SGIP1: variants seen among roughly 807,000 people sequenced by gnomAD.
SGIP1 encodes the protein SH3GL interacting endocytic adaptor 1.
SGIP1 carries 38 observed loss-of-function variants against 107.5 expected under a neutral mutation model. The observed-to-expected ratio is 0.35, with a 90% CI of 0.27 to 0.46. The LOEUF is 0.46. SGIP1 is among the 20% of genes least tolerant of loss of function. The pLI, the probability that SGIP1 is intolerant of heterozygous loss-of-function variation, is 1.00. For synonymous variants in SGIP1, 365 were observed against 366.1 expected, an observed-to-expected ratio of 1.00 and a Z score of 0.03; for missense variants, 929 against 1,019.5, an observed-to-expected ratio of 0.91 and a Z score of 1.21.
intron 1 of SGIP1, among the ~76,000 whole-genome samples, chr1:66,565,518 G>A (rs1055148090): frequency 3.9e-5 from 6 of 151,914 alleles, no homozygotes; most frequent in Non-Finnish European, 8.8e-5. Flanking sequence ...ATTAATTGGG[G>A]ACAATAGAGC....
intron 18 of SGIP1, among the ~76,000 whole-genome samples, chr1:66,714,960 G>C (rs2093146567): frequency 6.6e-6 from 1 of 152,248 alleles, no homozygotes; most frequent in East Asian, 1.9e-4. Context: ...TCTCTGAGGT[G>C]CTATGGGGGA....
intron 5 of SGIP1, among the ~76,000 whole-genome samples, chr1:66,641,114 T>A (rs1387200238): frequency 6.6e-6 from 1 of 151,814 alleles, no homozygotes; most frequent in African/African-American, 2.4e-5. Context: ...ATGGAAGAAG[T>A]AGGTCAAAGA....
At chr1:66,723,840 A>G (rs2093644737) in intron 19 of SGIP1, among the ~76,000 whole-genome samples, 1 of 152,228 alleles carries the variant, frequency 6.6e-6, no homozygotes, top group Non-Finnish European at 1.5e-5. Flanking sequence ...TCACAATAGT[A>G]GATAAGATGT....
rs115113589 is a variant in SGIP1, at chr1:66,731,857, G to T, written c.1899-1891G>T. Among the ~76,000 whole-genome samples, 1,198 of 152,212 alleles carry T rather than the reference G, an allele frequency of 7.9e-3. 19 individuals carry two copies. The highest frequency in any genetic ancestry group is 0.027 in the African/African-American group (1,139 of 41,528). On this transcript the variant is annotated intron_variant, in intron 20 of 24. Transcript: ENST00000371037. ...TCAGTTTGCAATCCCTATGACAGGG[G>T]CCAAATTGAAATTTACATCTACTTT...
At chr1:66,724,992 C>A (rs570796114) in intron 19 of SGIP1, among the ~76,000 whole-genome samples, 1 of 152,290 alleles carries the variant, frequency 6.6e-6, no homozygotes, top group East Asian at 1.9e-4. Flanking sequence ...AGAGTAGACT[C>A]AGCTTGAGGG....
intron 19 of SGIP1, among the ~76,000 whole-genome samples, chr1:66,725,695 C>T (rs1377458044): frequency 6.6e-6 from 1 of 152,208 alleles, no homozygotes; most frequent in East Asian, 1.9e-4. Context: ...GGACTTCAGG[C>T]GAAGGCAGTG....
intron 17 of SGIP1, among the ~76,000 whole-genome samples, chr1:66,690,858 C>T (rs1353429983): frequency 2.0e-5 from 3 of 151,934 alleles, no homozygotes; most frequent in Non-Finnish European, 4.4e-5. Flanking sequence ...GGTCAGTTTT[C>T]CCAGAGAAAT....
intron 9 of SGIP1, among the ~76,000 whole-genome samples, chr1:66,667,850 A>G (rs2082916344): frequency 6.6e-6 from 1 of 152,130 alleles, no homozygotes; most frequent in Admixed American, 6.6e-5. Context: ...TAAAAGGCCT[A>G]GAGATTCACC....
intron 21 of SGIP1, among the ~76,000 whole-genome samples, chr1:66,734,172 T>C (rs189855233): frequency 3.7e-4 from 57 of 152,262 alleles, no homozygotes; most frequent in Admixed American, 6.5e-5. Flanking sequence ...GATTATAAGT[T>C]TATATTGATA....
At position 66,592,897 on chromosome 1, in the gene SGIP1, CTTTTTTTTTTTTTTTT is replaced by C. The variant is rs35762612; in HGVS notation, c.11-32935_11-32920del. ...CTTTCCTTCTTTCTTTCTTCTTCTTCTTTTTTTTTTTTTTTTTTTTTTTTTTTTTTGAGAAAGGGTT... is the reference window on the plus strand; with the variant it reads ...CTTTCCTTCTTTCTTTCTTCTTCTTCTTTTTTTTTTTTTTGAGAAAGGGTT... On this transcript the variant is annotated intron_variant, in intron 1 of 24. Transcript: ENST00000371037. Among the ~76,000 whole-genome samples the C allele has an allele frequency of 2.0e-4, 11 of 56,352 alleles. No homozygotes were observed. In the East Asian group the frequency reaches 4.1e-3, roughly 21 times the overall value. The allele number at this position is 56,352 out of a possible 152,430, so 37.0% of individuals were successfully genotyped here.
chr1:66,683,105 C>T (rs1228655176), intron 15 of SGIP1, among the ~76,000 whole-genome samples: 1 of 152,064 alleles, frequency 6.6e-6, no homozygotes, highest in Non-Finnish European at 1.5e-5. Context: ...TTTTCTTTTG[C>T]TTATTTGAAG....
chr1:66,575,713 C>T (rs1479819590), intron 1 of SGIP1, among the ~76,000 whole-genome samples: 1 of 152,144 alleles, frequency 6.6e-6, no homozygotes, highest in African/African-American at 2.4e-5. Flanking sequence ...CTGGTGCATG[C>T]ATAGTTTGTG....
intron 1 of SGIP1, among the ~76,000 whole-genome samples, chr1:66,557,868 T>G (rs2058407074): frequency 6.6e-6 from 1 of 152,156 alleles, no homozygotes; most frequent in Admixed American, 6.6e-5. Context: ...CTTTGTGGAT[T>G]TGTGATTCAG....
chr1:66,634,237 C>T, intron 3 of SGIP1: 1 of 1,144,340 alleles, frequency 8.7e-7, no homozygotes, highest in Non-Finnish European at 1.3e-6. Flanking sequence ...CCCCTCTGAC[C>T]TTTGCAAAGC....
rs2094509815 is a variant in SGIP1, at chr1:66,743,195, C to T, written c.*100C>T. 1 of 1,208,862 alleles carries T rather than the reference C, an allele frequency of 8.3e-7. No homozygotes were observed. The highest frequency in any genetic ancestry group is 1.3e-5 in the South Asian group (1 of 77,684). 74.9% of individuals were successfully genotyped at this position (1,208,862 alleles called of 1,614,324 possible). On this transcript the variant is annotated 3_prime_UTR_variant, in exon 25 of 25. Transcript: ENST00000371037. ...TTTGATGAAAACAAACCAATATCTG[C>T]ACTTGGGATATATCAGGTGGAAAGT...
chr1:66,718,086 A>G (rs1187866864), intron 18 of SGIP1, among the ~76,000 whole-genome samples: 1 of 152,156 alleles, frequency 6.6e-6, no homozygotes, highest in African/African-American at 2.4e-5. Context: ...ACTAGCATGA[A>G]CTAGAGTGAT....
chr1:66,693,189 A>T (rs2090231785), intron 17 of SGIP1, among the ~76,000 whole-genome samples: 1 of 151,958 alleles, frequency 6.6e-6, no homozygotes. Flanking sequence ...TGGGAGGATT[A>T]CATGACCCCA....
chr1:66,654,866 A>G (rs2079437373), intron 7 of SGIP1, among the ~76,000 whole-genome samples: 1 of 152,208 alleles, frequency 6.6e-6, no homozygotes, highest in African/African-American at 2.4e-5. Flanking sequence ...TGCCTGTCCC[A>G]ATGTGGGCAA....
chr1:66,599,634 G>A (rs555408590), intron 1 of SGIP1, among the ~76,000 whole-genome samples: 14 of 152,300 alleles, frequency 9.2e-5, no homozygotes, highest in Admixed American at 5.9e-4. Context: ...AACTACGGGT[G>A]TATTTATGCT....
Sources: gnomAD v4.1 joint callset for allele counts (sites outside exome capture counted in the v4.1 genomes callset) on GRCh38, gnomAD v4.1.1 for gene constraint, MANE v1.5 for transcripts, NCBI Gene and HGNC (gene_info 2026-07-23, HGNC 2026-07-21) for gene names.